EPB41L5: variants seen among roughly 807,000 people sequenced by gnomAD.
The protein encoded by EPB41L5 is erythrocyte membrane protein band 4.1 like 5, also known as band 4.1-like protein 5.
A neutral mutation model predicts 106.6 loss-of-function variants in EPB41L5; 55 were observed. The ratio of observed to expected loss-of-function variants is 0.52; its 90% CI spans 0.42 to 0.65. The LOEUF (loss-of-function observed/expected upper bound fraction) is 0.65. EPB41L5 is among the 30% of genes least tolerant of loss of function. The pLI is 0.00. For missense variants in EPB41L5, 871 were observed against 882.1 expected, an observed-to-expected ratio of 0.99 and a Z score of 0.16; for synonymous variants, 297 against 306.7, an observed-to-expected ratio of 0.97 and a Z score of 0.33.
At chr2:120,125,993 C>G (rs1379790380) in intron 16 of EPB41L5, among the ~76,000 whole-genome samples, 1 of 152,170 alleles carries the variant, frequency 6.6e-6, no homozygotes, top group Non-Finnish European at 1.5e-5. Context: ...ACCCTGATAT[C>G]TGCCTTTGTC....
At chr2:120,068,158 C>G (rs1681579020) in intron 3 of EPB41L5, among the ~76,000 whole-genome samples, 1 of 152,198 alleles carries the variant, frequency 6.6e-6, no homozygotes, top group Non-Finnish European at 1.5e-5. Context: ...GGCATCGCCT[C>G]ATCCGGGAAG....
At chr2:120,084,782 C>G (rs1682939837) in intron 10 of EPB41L5, among the ~76,000 whole-genome samples, 1 of 152,166 alleles carries the variant, frequency 6.6e-6, no homozygotes, top group African/African-American at 2.4e-5. Context: ...TAGATTTGGT[C>G]TCTTTACGTA....
At chr2:120,055,626 T>G (rs2105263909) in intron 3 of EPB41L5, among the ~76,000 whole-genome samples, 1 of 151,956 alleles carries the variant, frequency 6.6e-6, no homozygotes, top group East Asian at 1.9e-4. Context: ...GGTTTTTAAT[T>G]TTTTAAAACA....
chr2:120,051,288 T>G (rs189339100), intron 3 of EPB41L5, among the ~76,000 whole-genome samples: 33 of 152,314 alleles, frequency 2.2e-4, no homozygotes, highest in Admixed American at 2.1e-3. Context: ...CTCCTTGAGC[T>G]GCGGTGGGCT....
chr2:120,016,116 T>C (rs1677507315), intron 1 of EPB41L5, among the ~76,000 whole-genome samples: 1 of 151,976 alleles, frequency 6.6e-6, no homozygotes, highest in Non-Finnish European at 1.5e-5. Flanking sequence ...AACTGTTGAG[T>C]AAGGAATATG....
chr2:120,118,808 C>T (rs1685074382), intron 16 of EPB41L5, among the ~76,000 whole-genome samples: 2 of 152,158 alleles, frequency 1.3e-5, no homozygotes, highest in Admixed American at 1.3e-4. Context: ...CATATGCATG[C>T]ATGTATTTCT....
intron 16 of EPB41L5, among the ~76,000 whole-genome samples, chr2:120,122,881 G>T (rs992973156): frequency 5.9e-5 from 9 of 152,126 alleles, no homozygotes; most frequent in African/African-American, 2.2e-4. Context: ...CCTTGAAGAG[G>T]TCCTTCACAT....
At chr2:120,033,100 A>T (rs1218947345) in intron 2 of EPB41L5, among the ~76,000 whole-genome samples, 2 of 152,208 alleles carry the variant, frequency 1.3e-5, no homozygotes, top group Non-Finnish European at 2.9e-5. Context: ...TAGCAGGTTG[A>T]TAATTATTTC....
At chr2:120,033,313 A>C (rs1678836372) in intron 2 of EPB41L5, among the ~76,000 whole-genome samples, 2 of 152,190 alleles carry the variant, frequency 1.3e-5, no homozygotes, top group African/African-American at 4.8e-5. Flanking sequence ...GGAAGGCTAG[A>C]CTCAATGAAG....
chr2:120,093,995 G>A lies in EPB41L5; in HGVS notation c.1178+719G>A, dbSNP rs140288765. 1.7e-4 allele frequency among the ~76,000 whole-genome samples: 26 copies of A among 152,096 alleles called. No individual in the cohort carries two copies. The East Asian group carries it at 5.0e-3, about 29-fold the overall frequency. Reference sequence around the variant, plus strand: ...CTTTTTTTTTGTTGGGGTGGGGGTAGGGGACGTGCAGGGCCTAGCTCTTTC... The same window carrying A: ...CTTTTTTTTTGTTGGGGTGGGGGTAAGGGACGTGCAGGGCCTAGCTCTTTC... On this transcript the variant is annotated intron_variant, in intron 14 of 24. Coordinates refer to ENST00000263713, the MANE Select transcript of EPB41L5 (RefSeq NM_020909.4).
At chr2:120,132,467 G>A (rs780216688) in intron 18 of EPB41L5, among the ~76,000 whole-genome samples, 1 of 152,132 alleles carries the variant, frequency 6.6e-6, no homozygotes, top group African/African-American at 2.4e-5. Flanking sequence ...TCCATTCTTG[G>A]ATAACTAACT....
chr2:120,107,633 G>A (rs917003128), intron 16 of EPB41L5, among the ~76,000 whole-genome samples: 1 of 152,232 alleles, frequency 6.6e-6, no homozygotes, highest in South Asian at 2.1e-4. Context: ...AATGTGATTT[G>A]TCAGATCCTT....
chr2:120,134,030 GA>G (rs1419539914), intron 18 of EPB41L5, among the ~76,000 whole-genome samples: 1 of 152,030 alleles, frequency 6.6e-6, no homozygotes, highest in Non-Finnish European at 1.5e-5. Flanking sequence ...TGTCTTGAGG[GA>G]AAGTATCCAG....
chr2:120,044,349 G>C (rs113623028), intron 3 of EPB41L5, among the ~76,000 whole-genome samples: 62 of 152,228 alleles, frequency 4.1e-4, no homozygotes, highest in African/African-American at 1.4e-3. Context: ...TGTCCAGCAG[G>C]TAGTAGGCAC....
intron 3 of EPB41L5, among the ~76,000 whole-genome samples, chr2:120,052,205 T>G (rs1237781414): frequency 6.6e-6 from 1 of 152,240 alleles, no homozygotes; most frequent in Non-Finnish European, 1.5e-5. Context: ...GCCTTGACTT[T>G]CATGACTTTG....
At chr2:120,059,447 C>T (rs1558834884) in intron 3 of EPB41L5, among the ~76,000 whole-genome samples, 2 of 151,692 alleles carry the variant, frequency 1.3e-5, no homozygotes, top group Non-Finnish European at 2.9e-5. Flanking sequence ...AACATGATAC[C>T]AAAAGGATGA....
chr2:120,124,040 G>C (rs1685348764), intron 16 of EPB41L5, among the ~76,000 whole-genome samples: 1 of 152,204 alleles, frequency 6.6e-6, no homozygotes, highest in South Asian at 2.1e-4. Flanking sequence ...AGAGGAAAGG[G>C]GGCGAAGACT....
intron 3 of EPB41L5, among the ~76,000 whole-genome samples, chr2:120,046,283 A>G (rs1679769709): frequency 6.6e-6 from 1 of 152,122 alleles, no homozygotes; most frequent in South Asian, 2.1e-4. Flanking sequence ...ACAGTGTAAA[A>G]TTGTTCCTAT....
Position 120,169,725 on chromosome 2 carries a change from A to G in EPB41L5, c.2135+1718A>G, listed in dbSNP as rs112550448. Among the ~76,000 whole-genome samples, 974 of 152,302 alleles carry G rather than the reference A, an allele frequency of 6.4e-3. 15 individuals are homozygous for G. The highest frequency in any genetic ancestry group is 0.021 in the African/African-American group (866 of 41,566). On this transcript the variant is annotated intron_variant, in intron 24 of 24. Transcript: ENST00000263713. The stretch of plus-strand genomic sequence containing the variant: ...CCTCCAAATAAGTAAGCTAAAGATG[A>G]TAGCATAATAGAAAAATGGGCAAAA...
Sources: allele counts gnomAD v4.1 joint callset (sites outside exome capture counted in the v4.1 genomes callset), GRCh38; gene constraint gnomAD v4.1.1; transcripts MANE v1.5; gene names NCBI Gene and HGNC (gene_info 2026-07-23, HGNC 2026-07-21).